The following WDFY2 variants were observed in gnomAD, a reference collection of about 807,000 sequenced individuals.
WDFY2 encodes the protein WD repeat and FYVE domain-containing protein 2.
In WDFY2, 36 loss-of-function variants were observed where a neutral mutation model predicts 56.4. The observed-to-expected ratio is 0.64, with a 90% confidence interval of 0.49 to 0.84. The LOEUF (loss-of-function observed/expected upper bound fraction) is 0.84, where lower values mean the gene tolerates loss of function less well. WDFY2 is among the 40% of genes least tolerant of loss of function. WDFY2 has a pLI of 0.00. For missense variants in WDFY2, 444 were observed against 512.2 expected (o/e 0.87, Z 1.29); for synonymous variants, 176 against 183.7 (o/e 0.96, Z 0.34).
intron 2 of WDFY2, among the ~76,000 whole-genome samples, chr13:51,674,119 C>T (rs1955848587): frequency 6.6e-6 from 1 of 152,042 alleles, no homozygotes; most frequent in Non-Finnish European, 1.5e-5. Context: ...GTCTTTGAAC[C>T]TTCTCCAGTG....
chr13:51,588,652 A>G (rs1953988790), intron 1 of WDFY2: 1 of 152,100 alleles, frequency 6.6e-6, no homozygotes, highest in African/African-American at 2.4e-5. Flanking sequence ...TGTAGAGGAA[A>G]GGGCATTTTA....
intron 1 of WDFY2, among the ~76,000 whole-genome samples, chr13:51,604,386 T>G (rs1212311801): frequency 1.3e-5 from 2 of 152,112 alleles, no homozygotes; most frequent in African/African-American, 4.8e-5. Context: ...AAGAGGCCAT[T>G]TTCATGGGAA....
At chr13:51,759,289 C>T (rs529430422) in intron 11 of WDFY2, among the ~76,000 whole-genome samples, 3 of 152,204 alleles carry the variant, frequency 2.0e-5, no homozygotes, top group Non-Finnish European at 4.4e-5. Context: ...GGAAAGGACA[C>T]AGCACGTGCT....
chr13:51,666,436 G>T (rs1319884788), intron 2 of WDFY2, among the ~76,000 whole-genome samples: 1 of 152,208 alleles, frequency 6.6e-6, no homozygotes, highest in Non-Finnish European at 1.5e-5. Flanking sequence ...CAGCCTATGT[G>T]ACACAGCCTA....
At position 51,714,317 on chromosome 13, in the gene WDFY2, G is replaced by A. The variant is rs189617115; in HGVS notation, c.335-4881G>A. 1.2e-3 allele frequency among the ~76,000 whole-genome samples: 185 copies of A among 151,954 alleles called. 1 individual carries two copies. Among genetic ancestry groups the A allele is most frequent in the African/African-American group, 4.1e-3 (170 of 41,462 alleles). ...GTTTTGTTTTGTTTTTTGATAGAGA[G>A]TTTCGTTCTTGTCGCCCAGGCTGGA... On this transcript the variant is annotated intron_variant, in intron 4 of 11. Transcript: ENST00000298125.
chr13:51,619,453 A>G (rs538046427), intron 1 of WDFY2, among the ~76,000 whole-genome samples: 1 of 151,996 alleles, frequency 6.6e-6, no homozygotes, highest in Non-Finnish European at 1.5e-5. Context: ...AAAACAAAAA[A>G]CAAAAAGCCT....
At chr13:51,681,149 G>C (rs1268402519) in intron 3 of WDFY2, among the ~76,000 whole-genome samples, 3 of 152,206 alleles carry the variant, frequency 2.0e-5, no homozygotes, top group Non-Finnish European at 2.9e-5. Context: ...CACTTCAGCT[G>C]TACCCAAGCA....
At chr13:51,756,226 C>T in intron 9 of WDFY2, 106 bp from the exon 10 acceptor site, 7 of 1,471,038 alleles carry the variant, frequency 4.8e-6, no homozygotes, top group Non-Finnish European at 6.4e-6. Flanking sequence ...TCAGCATCCT[C>T]ACCTGGATGC....
rs750297730 is a variant in WDFY2 at position 51,756,342 on chromosome 13, G to A, written c.944G>A (p.Arg315His). The change falls in exon 10 of 12, where the codon CGC becomes CAC. Residue 315 changes from arginine (R) to histidine (H), a missense_variant. By Grantham distance (29) the Arg-to-His change is conservative (BLOSUM62 0). Transcript: ENST00000298125. ...ATCTCCCTCCTCCAGCACCACTGCC[G>A]CAAGTGTGGGAAGGCCGTCTGTGGC... ...KKIGLRQHHC[R>H]KCGKAVCGKC... 1.2e-5 allele frequency: 19 copies of A among 1,613,262 alleles called. No individual in the cohort carries two copies. Among genetic ancestry groups the A allele is most frequent in the East Asian group, 4.5e-5 (2 of 44,848 alleles).
At chr13:51,711,134 A>G (rs1165767146) in intron 4 of WDFY2, among the ~76,000 whole-genome samples, 1 of 152,154 alleles carries the variant, frequency 6.6e-6, no homozygotes, top group East Asian at 1.9e-4. Context: ...AAATAATACC[A>G]CACATCCACA....
chr13:51,737,606 G>A (rs1172846576), intron 6 of WDFY2, among the ~76,000 whole-genome samples: 1 of 142,962 alleles, frequency 7.0e-6, no homozygotes, highest in African/African-American at 2.6e-5. Context: ...AGTGATGAGT[G>A]TAGTCAAGGA....
intron 1 of WDFY2, among the ~76,000 whole-genome samples, chr13:51,659,133 G>A (rs1281350287): frequency 6.6e-6 from 1 of 151,986 alleles, no homozygotes; most frequent in African/African-American, 2.4e-5. Context: ...TGTCATGTTG[G>A]CCAGGCTGGT....
intron 1 of WDFY2, among the ~76,000 whole-genome samples, chr13:51,641,554 C>T (rs1034642400): frequency 8.6e-5 from 13 of 151,264 alleles, no homozygotes; most frequent in Admixed American, 5.3e-4. Context: ...GGGCCGGGCG[C>T]GGTGGCTCAC....
intron 2 of WDFY2, among the ~76,000 whole-genome samples, chr13:51,661,273 G>GC (rs1461423049): frequency 1.3e-5 from 2 of 151,892 alleles, no homozygotes; most frequent in Non-Finnish European, 2.9e-5. Flanking sequence ...AGAAGACCTG[G>GC]CCCCCCAAAA....
intron 1 of WDFY2, among the ~76,000 whole-genome samples, chr13:51,626,190 A>G (rs903920349): frequency 6.6e-6 from 1 of 152,252 alleles, no homozygotes; most frequent in Admixed American, 6.5e-5. Context: ...TTCTTCAACA[A>G]TAAGACCTGG....
chr13:51,633,499 G>A (rs1383744221), intron 1 of WDFY2, among the ~76,000 whole-genome samples: 1 of 152,188 alleles, frequency 6.6e-6, no homozygotes, highest in Non-Finnish European at 1.5e-5. Flanking sequence ...TTGATGAATG[G>A]CAGCAGTTTT....
At chr13:51,630,572 C>T (rs1262260262) in intron 1 of WDFY2, among the ~76,000 whole-genome samples, 1 of 151,696 alleles carries the variant, frequency 6.6e-6, no homozygotes. Flanking sequence ...CACACATTGC[C>T]TCATTTAATA....
chr13:51,621,135 A>C (rs1954717956), intron 1 of WDFY2, among the ~76,000 whole-genome samples: 1 of 152,198 alleles, frequency 6.6e-6, no homozygotes, highest in Admixed American at 6.5e-5. Flanking sequence ...CTGTAGTACA[A>C]GCCTTTCCTA....
chr13:51,740,268 A>G (rs1952938354), intron 7 of WDFY2, among the ~76,000 whole-genome samples: 1 of 152,226 alleles, frequency 6.6e-6, no homozygotes. Context: ...GGAGAACAGA[A>G]CAGCTGTCTG....
Sources: allele counts gnomAD v4.1 joint callset (sites outside exome capture counted in the v4.1 genomes callset), GRCh38; gene constraint gnomAD v4.1.1; transcripts MANE v1.5; gene names NCBI Gene and HGNC (gene_info 2026-07-23, HGNC 2026-07-21).